OVCH1: variants seen among roughly 807,000 people sequenced by gnomAD.
The protein encoded by OVCH1 is ovochymase-1.
Under a neutral mutation model 138.4 loss-of-function variants are expected in OVCH1, and 139 were observed. The observed-to-expected ratio is 1.00, with a 90% CI of 0.87 to 1.16. The LOEUF (loss-of-function observed/expected upper bound fraction) is 1.16, where lower values mean the gene tolerates loss of function less well. OVCH1 is among the 50% of genes most tolerant of loss of function. The probability of loss-of-function intolerance (pLI) is 0.00; values close to 1 mark genes in which losing one functional copy is unlikely to be tolerated. For synonymous variants in OVCH1, 453 were observed against 467.8 expected (o/e 0.97, Z 0.41); for missense variants, 1,367 against 1,357.9 (o/e 1.01, Z -0.11).
At chr12:29,413,222 G>A (rs1007481749) in intron 3 of OVCH1, among the ~76,000 whole-genome samples, 2 of 152,028 alleles carry the variant, frequency 1.3e-5, no homozygotes, top group Admixed American at 6.6e-5. Context: ...TTACTCAAAA[G>A]GGATCAGCCC....
chr12:29,415,380 T>C (rs750307799), intron 3 of OVCH1, among the ~76,000 whole-genome samples: 5 of 152,198 alleles, frequency 3.3e-5, no homozygotes, highest in African/African-American at 1.2e-4. Flanking sequence ...TTAAGGGCAC[T>C]AAATATCACC....
chr12:29,452,099 G>C (rs1167414421), intron 21 of OVCH1, among the ~76,000 whole-genome samples: 1 of 152,102 alleles, frequency 6.6e-6, no homozygotes, highest in Non-Finnish European at 1.5e-5. Context: ...TCCATGGCCC[G>C]CTGACTCAGC....
At position 29,487,948 on chromosome 12, in the gene OVCH1, G is replaced by A. The variant is rs1943159976; in HGVS notation, c.703-66C>T. The A allele has an allele frequency of 4.2e-6, 6 of 1,432,404 alleles. 1 individual carries two copies. The South Asian group carries it at 8.3e-5, about 20-fold the overall frequency. The allele number at this position is 1,432,404 out of a possible 1,614,324, so 88.7% of individuals were successfully genotyped here. ...CAGTGTAAAATATTTCATCATTTCT[G>A]TAAACATCAGCACTCATCACAAAGT... On this transcript the variant is annotated intron_variant, in intron 6 of 27. Coordinates refer to ENST00000318184, the Ensembl canonical transcript of OVCH1.
chr12:29,409,191 TTCTC>T (rs957814589), downstream of OVCH1, among the ~76,000 whole-genome samples: 9 of 152,326 alleles, frequency 5.9e-5, no homozygotes, highest in East Asian at 1.2e-3. Flanking sequence ...TATTTGATTC[TTCTC>T]TCTTTTTTCT....
chr12:29,415,448 G>A (rs891592621), intron 3 of OVCH1, among the ~76,000 whole-genome samples: 30 of 152,068 alleles, frequency 2.0e-4, no homozygotes, highest in Admixed American at 1.2e-3. Flanking sequence ...AAATTTCCAC[G>A]AGAAATTTAT....
At chr12:29,474,055 T>G (rs1942609489) in intron 14 of OVCH1, among the ~76,000 whole-genome samples, 1 of 129,978 alleles carries the variant, frequency 7.7e-6, no homozygotes, top group South Asian at 2.3e-4. Context: ...AGTTAATACT[T>G]AATAAACACA....
chr12:29,441,019 G>A (rs1181390977), intron 25 of OVCH1, among the ~76,000 whole-genome samples: 1 of 152,148 alleles, frequency 6.6e-6, no homozygotes, highest in East Asian at 1.9e-4. Context: ...TGTGCATGGT[G>A]GTGGGGTGTT....
chr12:29,494,039 C>T (rs1943345490), intron 4 of OVCH1, among the ~76,000 whole-genome samples: 1 of 152,206 alleles, frequency 6.6e-6, no homozygotes, highest in African/African-American at 2.4e-5. Flanking sequence ...TCAATTCCAG[C>T]ATCAAACCTG....
the OVCH1 span, among the ~76,000 whole-genome samples, chr12:29,402,449 T>C: frequency 6.6e-6 from 1 of 151,814 alleles, no homozygotes; most frequent in Non-Finnish European, 1.5e-5. Flanking sequence ...AAGGAAAGGT[T>C]GAGAGAAAAA....
chr12:29,423,886 G>A (rs1941140538), downstream of OVCH1, among the ~76,000 whole-genome samples: 2 of 152,304 alleles, frequency 1.3e-5, no homozygotes, highest in South Asian at 4.1e-4. Flanking sequence ...CCTTGGAGAT[G>A]CTTTCATGTC....
the OVCH1 span, among the ~76,000 whole-genome samples, chr12:29,404,411 C>G: frequency 6.6e-6 from 1 of 152,204 alleles, no homozygotes. Flanking sequence ...AGAGGATGGT[C>G]AGGCAGGGCA....
intron 26 of OVCH1, chr12:29,439,251 C>A: frequency 4.0e-6 from 5 of 1,264,172 alleles, no homozygotes; most frequent in Non-Finnish European, 5.1e-6. Context: ...TTTATTTTGT[C>A]ACTTCTCTTA....
exon 6 of OVCH1, chr12:29,489,725 C>T (rs768284937): frequency 6.2e-7 from 1 of 1,610,938 alleles, no homozygotes; most frequent in Non-Finnish European, 8.5e-7. Flanking sequence ...CTCTGTCATC[C>T]ATGATGGGAA....
chr12:29,452,598 A>T (rs1941827793), intron 21 of OVCH1, among the ~76,000 whole-genome samples: 1 of 152,232 alleles, frequency 6.6e-6, no homozygotes, highest in South Asian at 2.1e-4. Context: ...CAACTGAAGT[A>T]GTTCAGCTTG....
At chr12:29,468,325 A>G (rs922192745) in intron 16 of OVCH1, among the ~76,000 whole-genome samples, 1 of 152,158 alleles carries the variant, frequency 6.6e-6, no homozygotes, top group African/African-American at 2.4e-5. Flanking sequence ...AGAAATTAAG[A>G]AGTCAAAAAT....
At chr12:29,474,693 G>T (rs1217492979) in intron 14 of OVCH1, among the ~76,000 whole-genome samples, 1 of 152,138 alleles carries the variant, frequency 6.6e-6, no homozygotes, top group Non-Finnish European at 1.5e-5. Context: ...TTATCTTCCA[G>T]AGTGCCAGGA....
chr12:29,475,277 A>T (rs948018264), intron 13 of OVCH1, 88 bp from the exon 14 acceptor site: 29 of 1,117,826 alleles, frequency 2.6e-5, no homozygotes, highest in Non-Finnish European at 1.2e-6. Context: ...TTTTCTAATC[A>T]ACTACTTTAG....
chr12:29,453,064 C>T (rs1425113687), intron 21 of OVCH1, among the ~76,000 whole-genome samples: 1 of 152,080 alleles, frequency 6.6e-6, no homozygotes, highest in Non-Finnish European at 1.5e-5. Flanking sequence ...ATTTATGGAC[C>T]CTTATCTCAG....
At chr12:29,450,743 A>G (rs1457962371) in intron 22 of OVCH1, among the ~76,000 whole-genome samples, 2 of 152,168 alleles carry the variant, frequency 1.3e-5, no homozygotes, top group Non-Finnish European at 2.9e-5. Context: ...ACTCTTCACA[A>G]TAGCAAACAC....
Sources: gnomAD v4.1 joint callset for allele counts (sites outside exome capture counted in the v4.1 genomes callset) on GRCh38, gnomAD v4.1.1 for gene constraint, MANE v1.5 for transcripts, NCBI Gene and HGNC (gene_info 2026-07-23, HGNC 2026-07-21) for gene names.